Variants in PCDH9 observed in about 807,000 individuals in gnomAD.
PCDH9 encodes protocadherin 9.
In PCDH9, 24 loss-of-function variants were observed where a neutral mutation model predicts 70.6. The observed-to-expected ratio is 0.34, with a 90% CI of 0.25 to 0.48. PCDH9 has a LOEUF of 0.48. PCDH9 is among the 20% of genes least tolerant of loss of function. The probability of loss-of-function intolerance (pLI) is 0.99; values close to 1 mark genes in which losing one functional copy is unlikely to be tolerated. For synonymous variants in PCDH9, 562 were observed against 558.5 expected (o/e 1.01, Z -0.09); for missense variants, 1,281 against 1,503.6 (o/e 0.85, Z 2.45).
chr13:66,804,009 C>T (rs974655909), intron 3 of PCDH9, among the ~76,000 whole-genome samples: 10 of 152,150 alleles, frequency 6.6e-5, no homozygotes, highest in African/African-American at 2.4e-4. Context: ...TTGACAGGGA[C>T]TGCTGAGTGA....
At chr13:67,138,855 A>T (rs2087301157) in intron 2 of PCDH9, among the ~76,000 whole-genome samples, 1 of 152,236 alleles carries the variant, frequency 6.6e-6, no homozygotes, top group Non-Finnish European at 1.5e-5. Flanking sequence ...TATACATATG[A>T]GAGTAAGTAA....
chr13:66,667,893 G>C (rs1307162274), intron 3 of PCDH9, among the ~76,000 whole-genome samples: 1 of 152,066 alleles, frequency 6.6e-6, no homozygotes, highest in African/African-American at 2.4e-5. Context: ...GAAAAAACCT[G>C]CAAATGTGTT....
At chr13:66,390,005 CAGAG>C (rs778282022) in intron 4 of PCDH9, among the ~76,000 whole-genome samples, 14 of 152,210 alleles carry the variant, frequency 9.2e-5, no homozygotes, top group South Asian at 4.1e-4. Flanking sequence ...CTTTTGCAGT[CAGAG>C]AGAGTGAGAG....
At chr13:66,767,400 A>T (rs1175476792) in intron 3 of PCDH9, among the ~76,000 whole-genome samples, 1 of 152,166 alleles carries the variant, frequency 6.6e-6, no homozygotes, top group Admixed American at 6.6e-5. Flanking sequence ...TCAAGAACAA[A>T]TATGAGTCAA....
At chr13:66,438,109 C>G (rs1224139481) in intron 4 of PCDH9, among the ~76,000 whole-genome samples, 7 of 151,880 alleles carry the variant, frequency 4.6e-5, no homozygotes, top group Non-Finnish European at 1.0e-4. Flanking sequence ...TGGCATACAT[C>G]TGTAATCCCG....
chr13:67,190,825 T>C lies in PCDH9; in HGVS notation c.3036+34580A>G, dbSNP rs543575039. Reference sequence around the variant, plus strand: ...GAATACGCATTGCCTGTTTATGTTCTATGTGCTTTAAGTTCTTGATCGTTT... The same window carrying C: ...GAATACGCATTGCCTGTTTATGTTCCATGTGCTTTAAGTTCTTGATCGTTT... On this transcript the variant is annotated intron_variant, in intron 2 of 4. Coordinates refer to ENST00000377865, the MANE Select transcript of PCDH9 (RefSeq NM_203487.3). Among the ~76,000 whole-genome samples, 7 of 152,248 alleles carry C rather than the reference T, an allele frequency of 4.6e-5. No homozygotes were observed. The East Asian group carries it at 7.7e-4, about 17-fold the overall frequency.
chr13:66,629,379 G>C (rs915424936), intron 4 of PCDH9, among the ~76,000 whole-genome samples: 2 of 152,174 alleles, frequency 1.3e-5, no homozygotes, highest in Non-Finnish European at 2.9e-5. Context: ...ACTTCAACAA[G>C]AGATGTTTTA....
intron 4 of PCDH9, among the ~76,000 whole-genome samples, chr13:66,475,514 A>C (rs1053018754): frequency 2.0e-5 from 3 of 152,066 alleles, no homozygotes; most frequent in Admixed American, 2.0e-4. Context: ...GTAACATACT[A>C]TTTTTTACAG....
intron 4 of PCDH9, among the ~76,000 whole-genome samples, chr13:66,384,118 A>G (rs888651023): frequency 1.3e-5 from 2 of 152,132 alleles, no homozygotes; most frequent in African/African-American, 4.8e-5. Context: ...TCCAGTATGG[A>G]CATTATAAAT....
At chr13:67,028,903 G>A (rs2084847331) in intron 2 of PCDH9, among the ~76,000 whole-genome samples, 1 of 152,098 alleles carries the variant, frequency 6.6e-6, no homozygotes, top group South Asian at 2.1e-4. Context: ...AATGTAGACT[G>A]CCAGAGTTGA....
chr13:66,623,381 C>G (rs2077455663), intron 4 of PCDH9, among the ~76,000 whole-genome samples: 1 of 152,124 alleles, frequency 6.6e-6, no homozygotes, highest in South Asian at 2.1e-4. Flanking sequence ...GCTGTGGAGT[C>G]AGACACTCCT....
chr13:66,402,159 T>C (rs1957199875), intron 4 of PCDH9, among the ~76,000 whole-genome samples: 1 of 152,100 alleles, frequency 6.6e-6, no homozygotes, highest in Non-Finnish European at 1.5e-5. Context: ...TGATACGTGA[T>C]ATTTGACTCT....
At chr13:66,413,482 C>G (rs1274077200) in intron 4 of PCDH9, among the ~76,000 whole-genome samples, 2 of 151,958 alleles carry the variant, frequency 1.3e-5, no homozygotes, top group East Asian at 3.9e-4. Context: ...GTCAGGAGAT[C>G]GAGACCATCC....
intron 4 of PCDH9, among the ~76,000 whole-genome samples, chr13:66,570,186 T>C (rs2076713724): frequency 6.6e-6 from 1 of 152,172 alleles, no homozygotes; most frequent in South Asian, 2.1e-4. Flanking sequence ...ATTCCATTTA[T>C]ACAACATTGT....
chr13:67,014,945 A>C (rs549115219), intron 2 of PCDH9, among the ~76,000 whole-genome samples: 1 of 152,226 alleles, frequency 6.6e-6, no homozygotes, highest in Non-Finnish European at 1.5e-5. Flanking sequence ...TTACTCTAAA[A>C]TAACCACTGC....
intron 2 of PCDH9, among the ~76,000 whole-genome samples, chr13:67,047,094 A>G (rs2085236488): frequency 6.6e-6 from 1 of 152,194 alleles, no homozygotes. Context: ...ATGGGGAAAG[A>G]GGGAGAAGCA....
intron 4 of PCDH9, among the ~76,000 whole-genome samples, chr13:66,555,597 C>A (rs1297103249): frequency 6.7e-6 from 1 of 148,438 alleles, no homozygotes; most frequent in East Asian, 2.0e-4. Context: ...GTCATTTACA[C>A]ATCAACGGTC....
chr13:66,824,656 AT>A (rs2080779223), intron 3 of PCDH9, among the ~76,000 whole-genome samples: 5 of 18,248 alleles, frequency 2.7e-4, no homozygotes, highest in African/African-American at 7.9e-4. Context: ...ACTCTGATAT[AT>A]ATATATATAT....
chr13:67,169,497 C>T (rs1046209883), intron 2 of PCDH9, among the ~76,000 whole-genome samples: 1 of 152,160 alleles, frequency 6.6e-6, no homozygotes, highest in African/African-American at 2.4e-5. Context: ...CTTTTGGCCT[C>T]TGTTAGCTAG....
Sources: gnomAD v4.1 joint callset for allele counts (sites outside exome capture counted in the v4.1 genomes callset) on GRCh38, gnomAD v4.1.1 for gene constraint, MANE v1.5 for transcripts, NCBI Gene and HGNC (gene_info 2026-07-23, HGNC 2026-07-21) for gene names.